Variants in DOK6 observed in about 807,000 individuals in gnomAD.
The protein encoded by DOK6 is downstream of tyrosine kinase 6.
Under a neutral mutation model 44.0 loss-of-function variants are expected in DOK6, and 22 were observed. The observed-to-expected ratio is 0.50, with a 90% CI of 0.36 to 0.71. The LOEUF is 0.71. Among genes scored for constraint, DOK6 ranks in the 30% least tolerant of loss-of-function variants. The pLI is 0.00. For missense variants in DOK6, 340 were observed against 416.4 expected (o/e 0.82, Z 1.60); for synonymous variants, 166 against 145.5 (o/e 1.14, Z -1.01).
At chr18:69,579,932 T>G (rs1362096165) in intron 2 of DOK6, among the ~76,000 whole-genome samples, 1 of 152,090 alleles carries the variant, frequency 6.6e-6, no homozygotes, top group Non-Finnish European at 1.5e-5. Flanking sequence ...CAGAAGTCAA[T>G]TTTTTTAATG....
chr18:69,544,868 C>T (rs1209370837), intron 1 of DOK6, among the ~76,000 whole-genome samples: 1 of 151,472 alleles, frequency 6.6e-6, no homozygotes, highest in Non-Finnish European at 1.5e-5. Context: ...CGATGGCACA[C>T]GCCTGTAATC....
At chr18:69,838,977 C>G (rs953024790) in intron 7 of DOK6, among the ~76,000 whole-genome samples, 1 of 151,208 alleles carries the variant, frequency 6.6e-6, no homozygotes, top group African/African-American at 2.4e-5. Context: ...CCCCAAGCCT[C>G]ACCCCTAGAT....
intron 7 of DOK6, among the ~76,000 whole-genome samples, chr18:69,835,411 G>T (rs1568140646): frequency 2.0e-5 from 3 of 151,624 alleles, no homozygotes; most frequent in Non-Finnish European, 4.4e-5. Flanking sequence ...CTTGCAGTGA[G>T]CCAAAATCGC....
In DOK6 at chr18:69,643,317, C is replaced by T. The variant is rs181174502; in HGVS notation, c.290-34417C>T. On this transcript the variant is annotated intron_variant, in intron 3 of 7. Transcript: ENST00000382713. The stretch of plus-strand genomic sequence containing the variant: ...CATTTGTGTGTGTGTATGTTCTATA[C>T]ATTTTTATCACCTGGTCCGTTTGTG... 3.9e-5 allele frequency among the ~76,000 whole-genome samples: 6 copies of T among 152,264 alleles called. No individual in the cohort carries two copies. In the East Asian group the frequency reaches 9.6e-4, roughly 24 times the overall value.
intron 3 of DOK6, among the ~76,000 whole-genome samples, chr18:69,620,567 C>G (rs115921345): frequency 0.016 from 2,468 of 152,222 alleles, 40 homozygotes; most frequent in South Asian, 0.079. Flanking sequence ...CTAATTACCC[C>G]TCTCTACACC....
chr18:69,561,443 A>G (rs1252676027), intron 1 of DOK6, among the ~76,000 whole-genome samples: 1 of 152,188 alleles, frequency 6.6e-6, no homozygotes, highest in East Asian at 1.9e-4. Context: ...AAAGGTAGAC[A>G]AACCATATGC....
chr18:69,532,138 A>T (rs757266832), intron 1 of DOK6, among the ~76,000 whole-genome samples: 16 of 152,208 alleles, frequency 1.1e-4, no homozygotes, highest in Non-Finnish European at 1.6e-4. Flanking sequence ...TGGCTTCCAG[A>T]ACTGTGAGAA....
At chr18:69,622,391 TG>T (rs1568314022) in intron 3 of DOK6, among the ~76,000 whole-genome samples, 1 of 152,220 alleles carries the variant, frequency 6.6e-6, no homozygotes, top group Non-Finnish European at 1.5e-5. Context: ...TATTATTTCT[TG>T]GGCAGAATAT....
intron 3 of DOK6, among the ~76,000 whole-genome samples, chr18:69,659,163 T>C (rs28560141): frequency 0.069 from 10,467 of 152,318 alleles, 448 homozygotes; most frequent in Admixed American, 0.11. Context: ...GAGCTCTGCA[T>C]GTTCTCTGCT....
intron 3 of DOK6, among the ~76,000 whole-genome samples, chr18:69,664,572 G>T (rs996404827): frequency 6.6e-6 from 1 of 152,230 alleles, no homozygotes; most frequent in South Asian, 2.1e-4. Flanking sequence ...ACCACTAGCG[G>T]CCCTCTTCTT....
intron 7 of DOK6, among the ~76,000 whole-genome samples, chr18:69,818,957 G>C (rs1981485498): frequency 6.6e-6 from 1 of 152,158 alleles, no homozygotes; most frequent in Non-Finnish European, 1.5e-5. Flanking sequence ...CTATTGTAAG[G>C]GTTAAGTGGA....
At chr18:69,672,069 T>G (rs1450617258) in intron 3 of DOK6, among the ~76,000 whole-genome samples, 1 of 152,190 alleles carries the variant, frequency 6.6e-6, no homozygotes, top group African/African-American at 2.4e-5. Context: ...GTGTCACATC[T>G]AAACATGGGT....
rs548793211 is a variant in DOK6, at chr18:69,512,570, C to T, written c.67-51917C>T. Among the ~76,000 whole-genome samples the T allele has an allele frequency of 5.3e-4, 81 of 152,198 alleles. 1 individual carries two copies. The highest frequency in any genetic ancestry group is 8.1e-4 in the Non-Finnish European group (55 of 67,998). ...TGTTGGCCAGGTTGGTCTTGAACTC[C>T]TAACCTCAGTTGATTCGTCCGCCTC... On this transcript the variant is annotated intron_variant, in intron 1 of 7. Transcript: ENST00000382713.
chr18:69,429,168 T>C (rs891872239), intron 1 of DOK6, among the ~76,000 whole-genome samples: 5 of 152,148 alleles, frequency 3.3e-5, no homozygotes, highest in African/African-American at 4.8e-5. Context: ...CTTCAAAAAT[T>C]TTGTTGTAAT....
intron 1 of DOK6, chr18:69,469,598 C>A: frequency 5.0e-6 from 1 of 201,410 alleles, no homozygotes; most frequent in East Asian, 1.7e-4. Context: ...ATCATGGTTC[C>A]CTGCGTGCTC....
At chr18:69,576,336 C>T (rs1231736104) in intron 2 of DOK6, among the ~76,000 whole-genome samples, 1 of 151,362 alleles carries the variant, frequency 6.6e-6, no homozygotes, top group Non-Finnish European at 1.5e-5. Context: ...TAAGCAGTTA[C>T]TTTGATATAC....
intron 1 of DOK6, among the ~76,000 whole-genome samples, chr18:69,541,677 A>G (rs1982272959): frequency 6.6e-6 from 1 of 151,422 alleles, no homozygotes. Flanking sequence ...ACAACCATGC[A>G]CTCTCACAGG....
intron 5 of DOK6, among the ~76,000 whole-genome samples, chr18:69,730,578 G>A (rs1978367974): frequency 6.6e-6 from 1 of 152,112 alleles, no homozygotes; most frequent in Non-Finnish European, 1.5e-5. Context: ...GGTGATTCAA[G>A]CTATCTATTC....
chr18:69,645,953 G>A (rs940264064), intron 3 of DOK6, among the ~76,000 whole-genome samples: 4 of 152,030 alleles, frequency 2.6e-5, no homozygotes, highest in African/African-American at 7.2e-5. Context: ...TTTTGTGATC[G>A]AGGAGTCTGA....
Sources: allele counts gnomAD v4.1 joint callset (sites outside exome capture counted in the v4.1 genomes callset), GRCh38; gene constraint gnomAD v4.1.1; transcripts MANE v1.5; gene names NCBI Gene and HGNC (gene_info 2026-07-23, HGNC 2026-07-21).